CYP2C18: variants seen among roughly 807,000 people sequenced by gnomAD.
The protein encoded by CYP2C18 is cytochrome P450 family 2 subfamily C member 18, also known as cytochrome P450 2C18.
A neutral mutation model predicts 41.3 loss-of-function variants in CYP2C18; 38 were observed. The ratio of observed to expected loss-of-function variants is 0.92; its 90% confidence interval spans 0.71 to 1.21. The LOEUF is 1.21. CYP2C18 is among the 50% of genes most tolerant of loss of function. CYP2C18 has a pLI of 0.00. For missense variants in CYP2C18, 635 were observed against 591.4 expected (o/e 1.07, Z -0.77); for synonymous variants, 236 against 210.0 (o/e 1.12, Z -1.07).
rs1847911548 is a variant in CYP2C18 at position 94,735,866 on chromosome 10, A to G, written c.*422A>G. 1 of 165,964 alleles carries G rather than the reference A, an allele frequency of 6.0e-6. No individual in the cohort carries two copies. Among genetic ancestry groups the G allele is most frequent in the Non-Finnish European group, 1.3e-5 (1 of 76,144 alleles). 10.3% of individuals were successfully genotyped at this position (165,964 alleles called of 1,614,324 possible). On this transcript the variant is annotated 3_prime_UTR_variant, in exon 9 of 9. Transcript: ENST00000285979. ...GTAAAATGAAAGTAAGAAATGAAAG[A>G]AAATAGAATGTGAAGAGGCTGTGCT...
At chr10:94,728,353 C>G (rs1285162820) in intron 7 of CYP2C18, among the ~76,000 whole-genome samples, 2 of 151,472 alleles carry the variant, frequency 1.3e-5, no homozygotes, top group Admixed American at 6.6e-5. Context: ...CTAGGTCTCT[C>G]CATTGTTGGG....
At chr10:94,706,717 C>A (rs939467179) in intron 4 of CYP2C18, 67 bp from the exon 5 acceptor site, 2 of 853,782 alleles carry the variant, frequency 2.3e-6, no homozygotes, top group Admixed American at 2.8e-5. Flanking sequence ...TTTAAACCAG[C>A]AGTTGACTTA....
Position 94,683,778 on chromosome 10 carries a change from A to T in CYP2C18, c.-42A>T. 6.0e-6 allele frequency: 9 copies of T among 1,508,524 alleles called. No homozygotes were observed. The highest frequency in any genetic ancestry group is 8.0e-6 in the Non-Finnish European group (9 of 1,122,884). The allele number at this position is 1,508,524 out of a possible 1,614,324, so 93.4% of individuals were successfully genotyped here. On this transcript the variant is annotated 5_prime_UTR_variant, in exon 1 of 9. It adds an upstream start codon to the 5' untranslated region. Transcript: ENST00000285979. ...GTAGGGAGTGTTATAAAAGCCTTGA[A>T]GTGAAAGCCCGCAGTTGTCTTACTA...
At chr10:94,694,295 C>T (rs949766762) in intron 3 of CYP2C18, among the ~76,000 whole-genome samples, 1 of 151,998 alleles carries the variant, frequency 6.6e-6, no homozygotes, top group Admixed American at 6.6e-5. Context: ...ATGAAAGTTT[C>T]TTATTACTTT....
intron 5 of CYP2C18, among the ~76,000 whole-genome samples, chr10:94,717,321 G>A (rs12783988): frequency 0.18 from 26,768 of 152,036 alleles, 2,605 homozygotes; most frequent in South Asian, 0.32. Flanking sequence ...GGCTGGTAGC[G>A]GTTTTTGCTT....
intron 4 of CYP2C18, among the ~76,000 whole-genome samples, chr10:94,705,006 A>G (rs1453082680): frequency 1.3e-5 from 2 of 151,644 alleles, no homozygotes; most frequent in Non-Finnish European, 2.9e-5. Flanking sequence ...AAAGAGAAAC[A>G]TAATTTTTTG....
At chr10:94,708,602 C>T (rs1056303626) in intron 5 of CYP2C18, among the ~76,000 whole-genome samples, 1 of 152,158 alleles carries the variant, frequency 6.6e-6, no homozygotes, top group Non-Finnish European at 1.5e-5. Context: ...GTTTAATTCA[C>T]ATATTGTACC....
intron 5 of CYP2C18, among the ~76,000 whole-genome samples, chr10:94,711,311 A>G (rs907275619): frequency 6.6e-6 from 1 of 151,988 alleles, no homozygotes; most frequent in Non-Finnish European, 1.5e-5. Context: ...TGTCTTGTCA[A>G]TCTGTTCTCT....
intron 5 of CYP2C18, among the ~76,000 whole-genome samples, chr10:94,709,306 C>G (rs1429364044): frequency 1.3e-5 from 2 of 152,152 alleles, no homozygotes; most frequent in Non-Finnish European, 2.9e-5. Flanking sequence ...TGATTCCAGC[C>G]ATCCCAGTGG....
At chr10:94,729,835 G>A (rs1357373474) in intron 7 of CYP2C18, among the ~76,000 whole-genome samples, 1 of 151,996 alleles carries the variant, frequency 6.6e-6, no homozygotes, top group Non-Finnish European at 1.5e-5. Context: ...GACAGGAAAG[G>A]CTTATTTATC....
chr10:94,703,996 C>T (rs746307879), intron 4 of CYP2C18, among the ~76,000 whole-genome samples: 1 of 152,182 alleles, frequency 6.6e-6, no homozygotes, highest in Non-Finnish European at 1.5e-5. Flanking sequence ...GTTCCCCAAC[C>T]CGTTGTGCTT....
At chr10:94,707,499 G>C (rs1469881394) in intron 5 of CYP2C18, among the ~76,000 whole-genome samples, 1 of 152,152 alleles carries the variant, frequency 6.6e-6, no homozygotes, top group Non-Finnish European at 1.5e-5. Flanking sequence ...GGAATTGGAG[G>C]TGTCTGTAAG....
chr10:94,692,566 G>T (rs1325069230), intron 3 of CYP2C18, among the ~76,000 whole-genome samples: 10 of 152,202 alleles, frequency 6.6e-5, no homozygotes, highest in Non-Finnish European at 1.3e-4. Context: ...CTTTTACACT[G>T]TTGGTGGGAC....
At chr10:94,734,224 C>A (rs1444681076) in intron 8 of CYP2C18, among the ~76,000 whole-genome samples, 1 of 152,030 alleles carries the variant, frequency 6.6e-6, no homozygotes, top group Non-Finnish European at 1.5e-5. Flanking sequence ...TCCAGAGCAC[C>A]TTGATCTCCC....
In CYP2C18 at chr10:94,709,801, T is replaced by G. The variant is rs372378880; in HGVS notation, c.819+2841T>G. On this transcript the variant is annotated intron_variant, in intron 5 of 8. Transcript: ENST00000285979. The stretch of plus-strand genomic sequence containing the variant: ...TTATAGTGTGAGGTATGGGTACAAC[T>G]TCATTCTTTGCATGTGCATTCAGTT... 6.6e-5 allele frequency among the ~76,000 whole-genome samples: 10 copies of G among 152,036 alleles called. No homozygotes were observed. In the East Asian group the frequency reaches 1.9e-3, roughly 29 times the overall value.
intron 5 of CYP2C18, among the ~76,000 whole-genome samples, chr10:94,710,528 T>C (rs1847417253): frequency 6.6e-6 from 1 of 152,236 alleles, no homozygotes; most frequent in Non-Finnish European, 1.5e-5. Flanking sequence ...TGTCTTTCCA[T>C]TTATTTAGAT....
At chr10:94,709,746 G>T (rs563987963) in intron 5 of CYP2C18, among the ~76,000 whole-genome samples, 10 of 152,092 alleles carry the variant, frequency 6.6e-5, no homozygotes, top group African/African-American at 2.4e-4. Flanking sequence ...TTACATTTAG[G>T]TCTAAGATCC....
At chr10:94,707,755 A>C (rs1391795711) in intron 5 of CYP2C18, among the ~76,000 whole-genome samples, 1 of 152,210 alleles carries the variant, frequency 6.6e-6, no homozygotes, top group Non-Finnish European at 1.5e-5. Flanking sequence ...CCATTTTGTC[A>C]TATTGCCAAA....
At chr10:94,697,729 G>A (rs546514035) in intron 4 of CYP2C18, among the ~76,000 whole-genome samples, 52 of 152,278 alleles carry the variant, frequency 3.4e-4, no homozygotes, top group African/African-American at 1.2e-3. Context: ...CTGTATTCAG[G>A]AGAACAATCT....
Sources: gnomAD v4.1 joint callset for allele counts (sites outside exome capture counted in the v4.1 genomes callset) on GRCh38, gnomAD v4.1.1 for gene constraint, MANE v1.5 for transcripts, NCBI Gene and HGNC (gene_info 2026-07-23, HGNC 2026-07-21) for gene names.